Variants in SEC63 observed in about 807,000 individuals in gnomAD.
SEC63 encodes the protein SEC63 protein translocation regulator, also known as translocation protein SEC63 homolog.
In SEC63, 56 loss-of-function variants were observed where a neutral mutation model predicts 116.2. The ratio of observed to expected loss-of-function variants is 0.48; its 90% CI spans 0.39 to 0.60. SEC63 has a LOEUF of 0.60. SEC63 is among the 20% of genes least tolerant of loss of function. The pLI is 0.00. For missense variants in SEC63, 668 were observed against 900.0 expected (o/e 0.74, Z 3.30); for synonymous variants, 273 against 294.6 (o/e 0.93, Z 0.75).
intron 13 of SEC63, among the ~76,000 whole-genome samples, chr6:107,898,625 G>A (rs1400845724): frequency 3.3e-5 from 5 of 152,040 alleles, no homozygotes; most frequent in East Asian, 1.9e-4. Context: ...TACTAAATAC[G>A]TGTTTTTGCA....
intron 8 of SEC63, among the ~76,000 whole-genome samples, chr6:107,907,369 C>G (rs1043634658): frequency 1.3e-5 from 2 of 152,082 alleles, no homozygotes; most frequent in African/African-American, 4.8e-5. Flanking sequence ...GAATTTGAGA[C>G]CAGCCAGTTT....
At chr6:107,915,406 G>GACC (rs985626620) in intron 4 of SEC63, among the ~76,000 whole-genome samples, 1 of 152,066 alleles carries the variant, frequency 6.6e-6, no homozygotes, top group Non-Finnish European at 1.5e-5. Context: ...GTAAACAAGT[G>GACC]ACCATGAGTT....
intron 11 of SEC63, among the ~76,000 whole-genome samples, chr6:107,903,707 TA>T (rs1312981691): frequency 2.0e-5 from 3 of 152,126 alleles, no homozygotes. Context: ...AATTAATTAA[TA>T]AAAATTACAT....
Position 107,911,101 on chromosome 6 carries a change from T to C in SEC63, c.624+245A>G, listed in dbSNP as rs920439422. 155 of 470,812 alleles carry C rather than the reference T, an allele frequency of 3.3e-4. 1 individual carries two copies. The highest frequency in any genetic ancestry group is 4.5e-4 in the Non-Finnish European group (117 of 262,142). 29.2% of individuals were successfully genotyped at this position (470,812 alleles called of 1,614,324 possible). A position where few individuals can be genotyped will look rare whatever the true frequency, so the allele number is the denominator to read the frequency against. On this transcript the variant is annotated intron_variant, in intron 7 of 20. Transcript: ENST00000369002. ...GACCATTAAAAGTATAGTTATATAA[T>C]TTTTTTTTCAGTTGGGGTCTCACTC...
At chr6:107,880,935 A>C (rs1786400448) in intron 18 of SEC63, 4 of 495,340 alleles carry the variant, frequency 8.1e-6, no homozygotes, top group African/African-American at 1.9e-5. Flanking sequence ...AACCACAGAA[A>C]TACTTAAGAA....
rs80103714 is a variant in SEC63, at chr6:107,880,396, A to T, written c.1935+753T>A. ...GTGGAACAGTTTCCCGAACTGGGGG[A>T]ACCAGTTCTTGACCTCTACTCCAGA... On this transcript the variant is annotated intron_variant, in intron 18 of 20. Coordinates refer to ENST00000369002, the MANE Select transcript of SEC63 (RefSeq NM_007214.5). Among the ~76,000 whole-genome samples, 1,029 of 152,312 alleles carry T rather than the reference A, an allele frequency of 6.8e-3. 15 individuals are homozygous for T. The highest frequency in any genetic ancestry group is 0.024 in the African/African-American group (999 of 41,588).
At chr6:107,908,297 CAA>C (rs1223761876) in intron 8 of SEC63, among the ~76,000 whole-genome samples, 1 of 151,724 alleles carries the variant, frequency 6.6e-6, no homozygotes, top group African/African-American at 2.4e-5. Context: ...GGATAAACTG[CAA>C]AGTTTGCTTT....
intron 2 of SEC63, among the ~76,000 whole-genome samples, chr6:107,926,448 C>T (rs1787679185): frequency 6.6e-6 from 1 of 152,140 alleles, no homozygotes; most frequent in Non-Finnish European, 1.5e-5. Context: ...GATCATGGCT[C>T]ACTGCAGCCT....
chr6:107,952,524 G>C (rs750969056), intron 1 of SEC63, among the ~76,000 whole-genome samples: 1 of 152,176 alleles, frequency 6.6e-6, no homozygotes, highest in Non-Finnish European at 1.5e-5. Flanking sequence ...TTGGGAGGCC[G>C]AGGTGGGCAG....
rs770217315 is a variant in SEC63 at position 107,904,654 on chromosome 6, T to C, written c.1029A>G (p.Leu343=). ...LQEMVNVICQ[L]IVMARNREER... is the part of the protein sequence containing the mutation. ...CTTCACGGTTCCGGGCCATTACTAT[T>C]AGTTGGCAGATTACATTAACCATTT... The change falls in exon 11 of 21, where the codon CTA becomes CTG. Residue 343 remains leucine (L), a synonymous_variant. Coordinates refer to ENST00000369002, the MANE Select transcript of SEC63 (RefSeq NM_007214.5). 64 of 1,612,894 alleles carry C rather than the reference T, an allele frequency of 4.0e-5. No individual in the cohort carries two copies. The highest frequency in any genetic ancestry group is 5.1e-5 in the Non-Finnish European group (60 of 1,179,012).
intron 19 of SEC63, among the ~76,000 whole-genome samples, chr6:107,876,060 C>T (rs1213027526): frequency 6.6e-6 from 1 of 151,984 alleles, no homozygotes; most frequent in Non-Finnish European, 1.5e-5. Context: ...AAAAAACACA[C>T]ACACAAAAAA....
chr6:107,942,820 A>AT (rs1431909068), intron 1 of SEC63, among the ~76,000 whole-genome samples: 2 of 152,202 alleles, frequency 1.3e-5, no homozygotes, highest in African/African-American at 4.8e-5. Flanking sequence ...TAAGAAAATC[A>AT]TAAGGAAGAG....
chr6:107,929,519 C>G lies in SEC63; in HGVS notation c.125-5G>C. ...TATTCTTTAATCGAATTTGCTCTGT[C>G]AAGAAAGAAAAATAAGATGAATTAA... is the stretch of plus-strand genomic sequence containing the variant. On this transcript the variant is annotated splice_region_variant and splice_polypyrimidine_tract_variant and intron_variant, in intron 1 of 20. Coordinates refer to ENST00000369002, the MANE Select transcript of SEC63 (RefSeq NM_007214.5). 6.5e-7 allele frequency: 1 copy of G among 1,537,550 alleles called. No homozygotes were observed. Among genetic ancestry groups the G allele is most frequent in the Non-Finnish European group, 9.0e-7 (1 of 1,111,524 alleles).
chr6:107,913,337 C>G (rs1280079745), intron 5 of SEC63, 29 bp downstream of exon 5: 1 of 1,385,194 alleles, frequency 7.2e-7, no homozygotes, highest in Non-Finnish European at 1.0e-6. Flanking sequence ...ACCATATCGC[C>G]AATATTTTAA....
At chr6:107,909,698 T>C (rs942175424) in intron 7 of SEC63, among the ~76,000 whole-genome samples, 4 of 152,202 alleles carry the variant, frequency 2.6e-5, no homozygotes, top group African/African-American at 9.7e-5. Context: ...ATGTCTTCAA[T>C]AAATACTTGA....
chr6:107,901,904 C>T (rs919777897), intron 12 of SEC63, among the ~76,000 whole-genome samples: 8 of 151,892 alleles, frequency 5.3e-5, no homozygotes, highest in African/African-American at 1.9e-4. Context: ...TAATAATAAA[C>T]GTTTACTTTT....
intron 5 of SEC63, 67 bp downstream of exon 5, chr6:107,913,299 T>C: frequency 9.9e-7 from 1 of 1,006,464 alleles, no homozygotes; most frequent in Non-Finnish European, 1.6e-6. Flanking sequence ...ATTATTCCTT[T>C]AATCTGGTTA....
At chr6:107,902,169 C>T (rs1169946072) in intron 12 of SEC63, among the ~76,000 whole-genome samples, 2 of 152,000 alleles carry the variant, frequency 1.3e-5, no homozygotes, top group African/African-American at 4.8e-5. Context: ...TTAATTATGA[C>T]TTAACATACA....
At position 107,926,096 on chromosome 6, in the gene SEC63, G is replaced by A. The variant is rs138300001; in HGVS notation, c.225-1164C>T. Among the ~76,000 whole-genome samples the A allele has an allele frequency of 8.8e-3, 1,337 of 152,128 alleles. 29 individuals are homozygous for A. Among genetic ancestry groups the A allele is most frequent in the African/African-American group, 0.025 (1,030 of 41,512 alleles). On this transcript the variant is annotated intron_variant, in intron 2 of 20. Coordinates refer to ENST00000369002, the MANE Select transcript of SEC63 (RefSeq NM_007214.5). The stretch of plus-strand genomic sequence containing the variant: ...GCCTCCCAAAGTGCTGGAATTACAG[G>A]GGTGAGCGACTGCGCCCAGCCTCTA...
Sources: allele counts gnomAD v4.1 joint callset (sites outside exome capture counted in the v4.1 genomes callset), GRCh38; gene constraint gnomAD v4.1.1; transcripts MANE v1.5; gene names NCBI Gene and HGNC (gene_info 2026-07-23, HGNC 2026-07-21).